The following STAG1 variants were observed in gnomAD, a reference collection of about 807,000 sequenced individuals.
STAG1 encodes the protein STAG1 cohesin complex component.
A neutral mutation model predicts 170.9 loss-of-function variants in STAG1; 26 were observed. The observed-to-expected ratio is 0.15, with a 90% CI of 0.11 to 0.21. The LOEUF is 0.21. Among genes scored for constraint, STAG1 ranks in the 10% least tolerant of loss-of-function variants. The pLI is 1.00. For synonymous variants in STAG1, 514 were observed against 497.7 expected, an observed-to-expected ratio of 1.03 and a Z score of -0.44; for missense variants, 964 against 1,509.5, an observed-to-expected ratio of 0.64 and a Z score of 5.99.
intron 13 of STAG1, among the ~76,000 whole-genome samples, chr3:136,454,105 T>C (rs182431734): frequency 1.1e-4 from 16 of 152,282 alleles, no homozygotes; most frequent in African/African-American, 3.8e-4. Flanking sequence ...TCTATTTATT[T>C]ATTTTTTGAG....
At chr3:136,617,943 A>C (rs746033529) in intron 3 of STAG1, among the ~76,000 whole-genome samples, 5 of 152,200 alleles carry the variant, frequency 3.3e-5, no homozygotes, top group Non-Finnish European at 7.3e-5. Flanking sequence ...CTGTTAACTT[A>C]CCCTTCTGGT....
At chr3:136,580,931 G>A (rs2107778706) in intron 4 of STAG1, among the ~76,000 whole-genome samples, 1 of 151,714 alleles carries the variant, frequency 6.6e-6, no homozygotes, top group African/African-American at 2.4e-5. Context: ...TTGGTATATG[G>A]TATGAGGTAA....
chr3:136,660,526 C>G (rs920332942), intron 1 of STAG1, among the ~76,000 whole-genome samples: 1 of 152,084 alleles, frequency 6.6e-6, no homozygotes, highest in Non-Finnish European at 1.5e-5. Context: ...ACTGAAAACA[C>G]TAATGATTAT....
chr3:136,445,077 A>T (rs56381882), intron 14 of STAG1, among the ~76,000 whole-genome samples: 3 of 144,484 alleles, frequency 2.1e-5, no homozygotes, highest in African/African-American at 7.6e-5. Context: ...GGCTGGTTTC[A>T]GTGTGAATTT....
chr3:136,536,826 T>C (rs1011083492), intron 6 of STAG1, among the ~76,000 whole-genome samples: 13 of 152,140 alleles, frequency 8.5e-5, no homozygotes, highest in Admixed American at 6.5e-4. Context: ...TGTGCCCCAA[T>C]TTTCTCATCT....
intron 4 of STAG1, among the ~76,000 whole-genome samples, chr3:136,570,201 T>C (rs1424297407): frequency 6.6e-6 from 1 of 152,192 alleles, no homozygotes; most frequent in African/African-American, 2.4e-5. Flanking sequence ...CTTATGTTGC[T>C]TTCCAGTCAG....
intron 29 of STAG1, among the ~76,000 whole-genome samples, chr3:136,346,852 A>C (rs1273561097): frequency 6.6e-6 from 1 of 152,234 alleles, no homozygotes; most frequent in African/African-American, 2.4e-5. Context: ...TAATCCTAGC[A>C]CTTTGGGACA....
intron 1 of STAG1, among the ~76,000 whole-genome samples, chr3:136,652,727 T>C (rs1941257395): frequency 6.6e-6 from 1 of 152,142 alleles, no homozygotes; most frequent in Admixed American, 6.5e-5. Context: ...AACATCTCCC[T>C]CCGATAGCAA....
chr3:136,524,124 A>G (rs567771121), intron 6 of STAG1, among the ~76,000 whole-genome samples: 9 of 152,046 alleles, frequency 5.9e-5, no homozygotes, highest in African/African-American at 1.9e-4. Context: ...TTTTCCACTT[A>G]TCTGAAGAAA....
At chr3:136,627,649 T>C (rs1940165811) in intron 2 of STAG1, among the ~76,000 whole-genome samples, 1 of 152,192 alleles carries the variant, frequency 6.6e-6, no homozygotes, top group Admixed American at 6.5e-5. Context: ...CTCTTTAGGA[T>C]ATATGCAGTG....
At chr3:136,362,424 CTT>C (rs1021020559) in intron 26 of STAG1, among the ~76,000 whole-genome samples, 15 of 149,376 alleles carry the variant, frequency 1.0e-4, no homozygotes, top group Middle Eastern at 3.4e-3. Context: ...TTTTTTTTAA[CTT>C]TGCTCAAAGT....
chr3:136,424,784 C>T (rs2088065580), intron 16 of STAG1, among the ~76,000 whole-genome samples: 2 of 152,274 alleles, frequency 1.3e-5, no homozygotes, highest in Non-Finnish European at 1.5e-5. Context: ...TTTGACCTAG[C>T]AATACCAATT....
chr3:136,668,248 T>A (rs1017637052), intron 1 of STAG1, among the ~76,000 whole-genome samples: 43 of 147,614 alleles, frequency 2.9e-4, no homozygotes, highest in Non-Finnish European at 4.2e-4. Flanking sequence ...TATATATATA[T>A]AAAACACATT....
chr3:136,572,947 G>A (rs543494062), intron 4 of STAG1, among the ~76,000 whole-genome samples: 7 of 152,236 alleles, frequency 4.6e-5, no homozygotes, highest in East Asian at 1.9e-4. Flanking sequence ...AGGCCAATGC[G>A]GAAGGACCAC....
chr3:136,717,247 G>A (rs1943566588), intron 1 of STAG1, among the ~76,000 whole-genome samples: 1 of 152,064 alleles, frequency 6.6e-6, no homozygotes, highest in Non-Finnish European at 1.5e-5. Flanking sequence ...ATGGACTGAG[G>A]CTCAAAAAAG....
At chr3:136,717,421 T>A (rs1403964663) in intron 1 of STAG1, among the ~76,000 whole-genome samples, 1 of 152,166 alleles carries the variant, frequency 6.6e-6, no homozygotes, top group South Asian at 2.1e-4. Context: ...CCCAGCACTT[T>A]GGGAGGTCGA....
At chr3:136,642,180 A>G (rs529514810) in intron 1 of STAG1, among the ~76,000 whole-genome samples, 1 of 152,244 alleles carries the variant, frequency 6.6e-6, no homozygotes, top group African/African-American at 2.4e-5. Flanking sequence ...CTCATTACAA[A>G]TAAACTGCAC....
chr3:136,590,054 T>C (rs945384083), intron 4 of STAG1, among the ~76,000 whole-genome samples: 1 of 150,658 alleles, frequency 6.6e-6, no homozygotes, highest in African/African-American at 2.4e-5. Context: ...ACCCAGGAGA[T>C]GGAAGTTGCA....
chr3:136,417,723 A>G (rs528387863), intron 21 of STAG1, 162 bp downstream of exon 21: 5 of 611,296 alleles, frequency 8.2e-6, no homozygotes, highest in Admixed American at 5.7e-5. Flanking sequence ...AGTATAATAC[A>G]CCTATCAATA....
Sources: allele counts gnomAD v4.1 joint callset (sites outside exome capture counted in the v4.1 genomes callset), GRCh38; gene constraint gnomAD v4.1.1; transcripts MANE v1.5; gene names NCBI Gene and HGNC (gene_info 2026-07-23, HGNC 2026-07-21).